Variants in PCDH7 observed in about 807,000 individuals in gnomAD.
PCDH7 encodes the protein protocadherin-7.
A neutral mutation model predicts 58.9 loss-of-function variants in PCDH7; 17 were observed. That is an observed-to-expected ratio of 0.29 (90% CI 0.20 to 0.43). PCDH7 has a LOEUF of 0.43. Among genes scored for constraint, PCDH7 ranks in the 20% least tolerant of loss-of-function variants. PCDH7 has a pLI of 1.00. For synonymous variants in PCDH7, 664 were observed against 616.4 expected (o/e 1.08, Z -1.14); for missense variants, 1,274 against 1,441.0 (o/e 0.88, Z 1.88).
rs555762066 is a variant in PCDH7 at position 30,978,996 on chromosome 4, G to C, written c.*7+28781G>C. 2.6e-5 allele frequency among the ~76,000 whole-genome samples: 4 copies of C among 152,086 alleles called. No individual in the cohort carries two copies. In the East Asian group the frequency reaches 7.7e-4, roughly 29 times the overall value. On this transcript the variant is annotated intron_variant, in intron 3 of 3. Transcript: ENST00000509759. ...ACAAAGAAACCATGTGTAATATTTA[G>C]AACTCTTCAAGTTAATAACAATTTT...
chr4:30,942,801 G>T (rs149602980), intron 2 of PCDH7, among the ~76,000 whole-genome samples: 2 of 151,392 alleles, frequency 1.3e-5, no homozygotes, highest in Non-Finnish European at 2.9e-5. Flanking sequence ...CTAAAATATT[G>T]TTGAAATCTA....
intron 3 of PCDH7, among the ~76,000 whole-genome samples, chr4:31,120,167 T>C (rs1435576213): frequency 6.6e-6 from 1 of 152,070 alleles, no homozygotes; most frequent in Admixed American, 6.5e-5. Flanking sequence ...ACAAGTCACA[T>C]ATCGAATTAA....
chr4:30,840,749 T>C (rs1048544778), intron 1 of PCDH7, among the ~76,000 whole-genome samples: 1 of 152,088 alleles, frequency 6.6e-6, no homozygotes, highest in African/African-American at 2.4e-5. Flanking sequence ...ACCAAAGTCA[T>C]TACAAAAGCC....
At chr4:30,813,551 T>C (rs1018200319) in intron 1 of PCDH7, among the ~76,000 whole-genome samples, 2 of 152,188 alleles carry the variant, frequency 1.3e-5, no homozygotes, top group Non-Finnish European at 2.9e-5. Context: ...TAGTGCATCA[T>C]ATAGTGTAGA....
chr4:30,887,853 A>G lies in PCDH7; in HGVS notation c.71-32300A>G, dbSNP rs960002560. ...AATGAGCCAAGTATGGTCATAGCCC[A>G]TTTCTTTTTTCTTTTTGGTTTTTTT... On this transcript the variant is annotated intron_variant, in intron 1 of 3. Transcript: ENST00000509759. Among the ~76,000 whole-genome samples the G allele has an allele frequency of 4.7e-5, 7 of 149,044 alleles. No homozygotes were observed. In the East Asian group the frequency reaches 1.4e-3, roughly 30 times the overall value.
chr4:30,722,562 G>T lies in PCDH7; in HGVS notation c.1140G>T (p.Gln380His). The T allele has an allele frequency of 6.2e-7, 1 of 1,612,760 alleles. No homozygotes were observed. Among genetic ancestry groups the T allele is most frequent in the Non-Finnish European group, 8.5e-7 (1 of 1,180,004 alleles). ...GGATCGACCGCGAGGAGGTGAACCA[G>T]CTGCGCTTCACGGTCATGGCCCGCG... Residue 380 changes from glutamine (Q) to histidine (H), a missense_variant, in exon 1 of 2, where the codon CAG (glutamine) becomes CAT (histidine). Physicochemically the swap from Gln to His is conservative, Grantham distance 24. This residue lies in a region of PCDH7 where 331 missense variants were observed against 303.2 expected (regional missense o/e 1.09). Transcript: ENST00000361762. The surrounding 1 kb of genome is among the most constrained non-coding windows in gnomAD (Gnocchi z 7.6).
chr4:30,945,758 T>A (rs1479286735), intron 2 of PCDH7, among the ~76,000 whole-genome samples: 1 of 152,132 alleles, frequency 6.6e-6, no homozygotes, highest in Non-Finnish European at 1.5e-5. Context: ...AGTTTCCTGA[T>A]TCCTGTGAAA....
chr4:30,769,455 A>G (rs1200536307), intron 1 of PCDH7, among the ~76,000 whole-genome samples: 1 of 152,128 alleles, frequency 6.6e-6, no homozygotes, highest in African/African-American at 2.4e-5. Flanking sequence ...ATAAGCCTCA[A>G]TTTGGCTTTA....
chr4:31,079,329 T>G (rs1424059075), intron 3 of PCDH7, among the ~76,000 whole-genome samples: 1 of 53,204 alleles, frequency 1.9e-5, no homozygotes, highest in Non-Finnish European at 3.5e-5. Flanking sequence ...TATATATATA[T>G]ATATATATAT....
At chr4:30,795,856 A>T (rs1470612585) in intron 1 of PCDH7, among the ~76,000 whole-genome samples, 1 of 152,220 alleles carries the variant, frequency 6.6e-6, no homozygotes, top group Non-Finnish European at 1.5e-5. Flanking sequence ...ATGATTAATG[A>T]TCAATGCACA....
intron 1 of PCDH7, among the ~76,000 whole-genome samples, chr4:30,783,422 G>T (rs989695007): frequency 3.9e-5 from 6 of 152,098 alleles, no homozygotes; most frequent in African/African-American, 1.4e-4. Flanking sequence ...CAAGGAAAAA[G>T]ATAATGAATA....
intron 3 of PCDH7, among the ~76,000 whole-genome samples, chr4:31,109,490 C>T (rs1397676505): frequency 2.6e-5 from 4 of 152,154 alleles, no homozygotes; most frequent in African/African-American, 9.7e-5. Flanking sequence ...TAGAATGTTA[C>T]ATGATAGAGA....
chr4:30,730,853 G>C (rs1337739593), exon 2 of PCDH7: 86 of 1,522,528 alleles, frequency 5.6e-5, no homozygotes, highest in Non-Finnish European at 7.5e-5. Flanking sequence ...TCCGAAACCT[G>C]CTGGAGCCTG....
intron 1 of PCDH7, among the ~76,000 whole-genome samples, chr4:30,880,464 GA>G (rs1387441180): frequency 1.3e-5 from 2 of 152,084 alleles, no homozygotes; most frequent in African/African-American, 4.8e-5. Flanking sequence ...GTGATTCAGT[GA>G]AAAACAATGA....
intron 1 of PCDH7, among the ~76,000 whole-genome samples, chr4:30,781,961 G>A (rs75644021): frequency 2.0e-5 from 3 of 152,094 alleles, no homozygotes; most frequent in African/African-American, 7.2e-5. Context: ...TTATGTAAAT[G>A]GGTATAGACT....
At chr4:31,073,213 A>G (rs1298189331) in intron 3 of PCDH7, among the ~76,000 whole-genome samples, 2 of 152,226 alleles carry the variant, frequency 1.3e-5, no homozygotes, top group African/African-American at 2.4e-5. Context: ...GATTTGCTAC[A>G]TAGCATTACA....
At chr4:31,076,552 T>C (rs949564555) in intron 3 of PCDH7, among the ~76,000 whole-genome samples, 1 of 152,184 alleles carries the variant, frequency 6.6e-6, no homozygotes, top group Non-Finnish European at 1.5e-5. Flanking sequence ...TATATATCTT[T>C]ATACTTATAA....
chr4:31,135,816 C>T (rs994516918), intron 3 of PCDH7, among the ~76,000 whole-genome samples: 4 of 152,076 alleles, frequency 2.6e-5, no homozygotes, highest in South Asian at 4.2e-4. Flanking sequence ...ATATCAGGTT[C>T]GTTGTAAACT....
intron 1 of PCDH7, among the ~76,000 whole-genome samples, chr4:30,805,097 T>C (rs564495121): frequency 6.6e-6 from 1 of 152,218 alleles, no homozygotes; most frequent in Non-Finnish European, 1.5e-5. Context: ...ATCACTCTAT[T>C]TACTTGGTTT....
Sources: gnomAD v4.1 joint callset for allele counts (sites outside exome capture counted in the v4.1 genomes callset) on GRCh38, gnomAD v4.1.1 for gene constraint, gnomAD v4.1.1 regional missense constraint, Gnocchi (gnomAD v3.1) non-coding constraint, MANE v1.5 for transcripts, NCBI Gene and HGNC (gene_info 2026-07-23, HGNC 2026-07-21) for gene names.